Variants in USP40 observed in about 807,000 individuals in gnomAD.
USP40 encodes the protein ubiquitin specific peptidase 40, also known as ubiquitin carboxyl-terminal hydrolase 40.
A neutral mutation model predicts 166.2 loss-of-function variants in USP40; 143 were observed. That is an observed-to-expected ratio of 0.86 (90% CI 0.75 to 0.99). USP40 has a LOEUF of 0.99. Ranked by LOEUF, USP40 falls within the 50% of genes least tolerant of loss-of-function variation. The pLI is 0.00. For missense variants in USP40, 1,444 were observed against 1,479.7 expected, an observed-to-expected ratio of 0.98 and a Z score of 0.40; for synonymous variants, 498 against 524.0, an observed-to-expected ratio of 0.95 and a Z score of 0.68.
rs1441353762 is a variant in USP40 at position 233,494,936 on chromosome 2, ATATATATATATATATATATT to A, written c.2791-1405_2791-1386del. Among the ~76,000 whole-genome samples the A allele has an allele frequency of 6.2e-4, 39 of 62,586 alleles. 4 individuals carry two copies. The highest frequency in any genetic ancestry group is 4.6e-3 in the East Asian group (13 of 2,854). The allele number at this position is 62,586 out of a possible 152,430, so 41.1% of individuals were successfully genotyped here. A position where few individuals can be genotyped will look rare whatever the true frequency, so the allele number is the denominator to read the frequency against. The stretch of plus-strand genomic sequence containing the variant: ...ATGGCATATATATATATATATATAT[ATATATATATATATATATATT>A]TATATATATATATATATATATATAC... On this transcript the variant is annotated intron_variant, in intron 24 of 31. Transcript: ENST00000678225.
intron 8 of USP40, among the ~76,000 whole-genome samples, chr2:233,544,849 G>GA (rs1026394474): frequency 1.3e-5 from 2 of 152,258 alleles, no homozygotes; most frequent in African/African-American, 4.8e-5. Context: ...GATGAAGGGG[G>GA]AAAAATGTCC....
intron 12 of USP40, among the ~76,000 whole-genome samples, chr2:233,528,091 G>C (rs564165491): frequency 6.6e-6 from 1 of 151,592 alleles, no homozygotes; most frequent in East Asian, 1.9e-4. Context: ...CGATTCTTCT[G>C]CCTCAGCCTC....
intron 11 of USP40, among the ~76,000 whole-genome samples, chr2:233,529,728 G>C (rs942147672): frequency 6.6e-6 from 1 of 151,108 alleles, no homozygotes; most frequent in Non-Finnish European, 1.5e-5. Context: ...AGACAAGCTA[G>C]AAGAATTCCA....
rs1405369115 is a variant in USP40 at position 233,529,832 on chromosome 2, G to C, written c.1472-320C>G. ...TCTTTTTCTTTTTTTTTTTGAGACG[G>C]AGTCTCACTTTGTCGCCCAGGCTGG... is the stretch of plus-strand genomic sequence containing the variant. On this transcript the variant is annotated intron_variant, in intron 11 of 31. Transcript: ENST00000678225. 1.9e-4 allele frequency among the ~76,000 whole-genome samples: 14 copies of C among 74,018 alleles called. No homozygotes were observed. The East Asian group carries it at 4.5e-3, about 24-fold the overall frequency. The allele number at this position is 74,018 out of a possible 152,430, so 48.6% of individuals were successfully genotyped here.
chr2:233,515,734 T>A (rs2067145157), intron 18 of USP40, among the ~76,000 whole-genome samples: 1 of 152,196 alleles, frequency 6.6e-6, no homozygotes, highest in African/African-American at 2.4e-5. Flanking sequence ...GCTTTTTGAG[T>A]CCTATCTTTA....
chr2:233,505,906 G>A (rs2066386866), intron 21 of USP40, among the ~76,000 whole-genome samples: 1 of 152,028 alleles, frequency 6.6e-6, no homozygotes, highest in South Asian at 2.1e-4. Context: ...GAACATAGAT[G>A]AAAAACTGTC....
chr2:233,531,211 T>C (rs2125265498), intron 11 of USP40, among the ~76,000 whole-genome samples: 1 of 152,308 alleles, frequency 6.6e-6, no homozygotes, highest in African/African-American at 2.4e-5. Context: ...TTACTGCTCT[T>C]TTTCAATGAT....
chr2:233,537,172 C>G (rs1239179534), intron 10 of USP40, among the ~76,000 whole-genome samples: 1 of 152,170 alleles, frequency 6.6e-6, no homozygotes, highest in Non-Finnish European at 1.5e-5. Context: ...TGTGAGCCAC[C>G]ACGTCCAGGC....
At chr2:233,555,926 A>G (rs1023476316) in intron 5 of USP40, among the ~76,000 whole-genome samples, 2 of 152,130 alleles carry the variant, frequency 1.3e-5, no homozygotes, top group East Asian at 1.9e-4. Context: ...CATCCTGGCT[A>G]ACATGGTGAA....
intron 10 of USP40, among the ~76,000 whole-genome samples, chr2:233,539,178 G>A (rs1320119608): frequency 6.8e-5 from 10 of 147,352 alleles, no homozygotes. Flanking sequence ...ATAGTTGGGA[G>A]ATTTAAAAAT....
At chr2:233,514,649 T>C (rs1006133020) in intron 18 of USP40, among the ~76,000 whole-genome samples, 6 of 152,120 alleles carry the variant, frequency 3.9e-5, no homozygotes, top group African/African-American at 9.7e-5. Flanking sequence ...AATTCACACG[T>C]ATTGACGATG....
At chr2:233,518,016 G>C (rs2067359735) in intron 18 of USP40, among the ~76,000 whole-genome samples, 1 of 151,218 alleles carries the variant, frequency 6.6e-6, no homozygotes, top group Non-Finnish European at 1.5e-5. Flanking sequence ...GTGGACTTTG[G>C]GGACTTGGGG....
At chr2:233,532,990 G>A (rs913601684) in intron 11 of USP40, among the ~76,000 whole-genome samples, 2 of 151,176 alleles carry the variant, frequency 1.3e-5, no homozygotes, top group African/African-American at 2.4e-5. Flanking sequence ...AAATAAAGGA[G>A]AAGATATGAA....
chr2:233,566,769 G>A lies in USP40; in HGVS notation c.-105C>T, dbSNP rs62192778. ...GGGCGCCGCCATGTTGGCGAGGGCGGGTCTCCAGAAAGTGATTTATGGATC... is the reference window on the plus strand; with the variant it reads ...GGGCGCCGCCATGTTGGCGAGGGCGAGTCTCCAGAAAGTGATTTATGGATC... On this transcript the variant is annotated 5_prime_UTR_variant, in exon 1 of 32. Coordinates refer to ENST00000678225, the MANE Select transcript of USP40 (RefSeq NM_001365479.2). 145,702 of 985,640 alleles carry A rather than the reference G, an allele frequency of 0.15. 11,304 individuals carry two copies. The highest frequency in any genetic ancestry group is 0.16 in the Non-Finnish European group (132,379 of 829,724). The allele number at this position is 985,640 out of a possible 1,614,324, so 61.1% of individuals were successfully genotyped here.
chr2:233,539,451 C>T (rs560714719), intron 10 of USP40, among the ~76,000 whole-genome samples: 2 of 152,062 alleles, frequency 1.3e-5, no homozygotes, highest in Admixed American at 6.5e-5. Flanking sequence ...AATCAATTTA[C>T]TGACATAACA....
intron 20 of USP40, among the ~76,000 whole-genome samples, chr2:233,510,388 C>CTTTTTT (rs2066724423): frequency 7.6e-5 from 6 of 79,264 alleles, no homozygotes; most frequent in Non-Finnish European, 1.3e-4. Flanking sequence ...ACTTCTTTTT[C>CTTTTTT]TTTCTTTTTT....
At chr2:233,563,139 A>G (rs1469593254) in intron 2 of USP40, among the ~76,000 whole-genome samples, 1 of 152,232 alleles carries the variant, frequency 6.6e-6, no homozygotes, top group Admixed American at 6.5e-5. Context: ...CTCAGGAAAT[A>G]CAGTAGTGTT....
intron 11 of USP40, among the ~76,000 whole-genome samples, chr2:233,532,230 T>C (rs538413360): frequency 6.6e-6 from 1 of 152,320 alleles, no homozygotes; most frequent in Admixed American, 6.5e-5. Context: ...TGAATGGGTG[T>C]TGCCTGCAGC....
chr2:233,505,812 T>G (rs2066378463), intron 21 of USP40, among the ~76,000 whole-genome samples: 2 of 152,162 alleles, frequency 1.3e-5, no homozygotes, highest in Admixed American at 1.3e-4. Context: ...CAAACTCATT[T>G]TATGAGGCCA....
Sources: allele counts gnomAD v4.1 joint callset (sites outside exome capture counted in the v4.1 genomes callset), GRCh38; gene constraint gnomAD v4.1.1; transcripts MANE v1.5; gene names NCBI Gene and HGNC (gene_info 2026-07-23, HGNC 2026-07-21).